Variants in RCAN2 observed in about 807,000 individuals in gnomAD.
RCAN2 encodes the protein regulator of calcineurin 2.
A neutral mutation model predicts 23.6 loss-of-function variants in RCAN2; 9 were observed. The ratio of observed to expected loss-of-function variants is 0.38; its 90% confidence interval spans 0.23 to 0.67. RCAN2 has a LOEUF of 0.67. RCAN2 is among the 30% of genes least tolerant of loss of function. The probability of loss-of-function intolerance (pLI) is 0.51; values close to 1 mark genes in which losing one functional copy is unlikely to be tolerated. For missense variants in RCAN2, 273 were observed against 302.3 expected, an observed-to-expected ratio of 0.90 and a Z score of 0.72; for synonymous variants, 109 against 115.7, an observed-to-expected ratio of 0.94 and a Z score of 0.37.
At chr6:46,373,002 C>A (rs1765360995) in intron 2 of RCAN2, among the ~76,000 whole-genome samples, 1 of 152,158 alleles carries the variant, frequency 6.6e-6, no homozygotes, top group Non-Finnish European at 1.5e-5. Flanking sequence ...GGAGCTGGGA[C>A]CAGCATCTTA....
chr6:46,316,123 G>A (rs1161481052), intron 2 of RCAN2, among the ~76,000 whole-genome samples: 1 of 152,102 alleles, frequency 6.6e-6, no homozygotes, highest in Admixed American at 6.6e-5. Flanking sequence ...AAAACTGCAG[G>A]GGAAGAGTTT....
chr6:46,397,345 T>A (rs1163064315), intron 2 of RCAN2, among the ~76,000 whole-genome samples: 2 of 149,452 alleles, frequency 1.3e-5, no homozygotes, highest in Admixed American at 6.7e-5. Flanking sequence ...ATTACACAAA[T>A]CTCCATATAG....
intron 2 of RCAN2, among the ~76,000 whole-genome samples, chr6:46,341,426 T>C (rs1437828232): frequency 2.0e-5 from 3 of 152,188 alleles, no homozygotes; most frequent in Admixed American, 6.5e-5. Context: ...AAAAAAATCA[T>C]GTTTTAAGAA....
intron 2 of RCAN2, among the ~76,000 whole-genome samples, chr6:46,263,475 ATGTGTGTGTGTG>A (rs57316214): frequency 7.5e-4 from 104 of 138,960 alleles, no homozygotes; most frequent in African/African-American, 2.8e-3. Flanking sequence ...GTGTGTGTGT[ATGTGTGTGTGTG>A]TGTGTGTATG....
intron 2 of RCAN2, among the ~76,000 whole-genome samples, chr6:46,278,629 A>G (rs1490324275): frequency 6.6e-6 from 1 of 152,170 alleles, no homozygotes; most frequent in Non-Finnish European, 1.5e-5. Context: ...ACACAAGAAA[A>G]TCACACATAA....
chr6:46,456,894 A>G lies in RCAN2; in HGVS notation c.83T>C (p.Leu28Pro), dbSNP rs1311400487. The change falls in exon 2 of 5, where the codon CTG (leucine) becomes CCG (proline). Residue 28 changes from leucine (L) to proline (P), a missense_variant. Physicochemically the swap from Leu to Pro is moderately conservative, Grantham distance 98 (BLOSUM62 -3). Coordinates refer to ENST00000371374, the MANE Select transcript of RCAN2 (RefSeq NM_001251974.2). ...HVPEDGGLFL[L>P]CCIDRDWAVT... ...AGCCCAGTCCCTGTCTATGCAGCAC[A>G]GTAAGAAAAGTCCTCCATCTTCAGG... 6.4e-6 allele frequency: 10 copies of G among 1,550,700 alleles called. No individual in the cohort carries two copies. Among genetic ancestry groups the G allele is most frequent in the Admixed American group, 2.0e-5 (1 of 51,012 alleles).
At chr6:46,416,811 C>T (rs1025313742) in intron 2 of RCAN2, among the ~76,000 whole-genome samples, 14 of 152,062 alleles carry the variant, frequency 9.2e-5, no homozygotes, top group African/African-American at 2.7e-4. Context: ...CATGAGCCAC[C>T]GTGTCCTGCT....
intron 2 of RCAN2, among the ~76,000 whole-genome samples, chr6:46,333,805 TC>T (rs1764059673): frequency 6.6e-6 from 1 of 152,216 alleles, no homozygotes; most frequent in Non-Finnish European, 1.5e-5. Flanking sequence ...ATCAATGCCT[TC>T]CAATCTTTTC....
chr6:46,439,890 G>T lies in RCAN2; in HGVS notation c.225+16862C>A, dbSNP rs113558823. ...TCCCTGAAAATTTCTAAAGAGGCTA[G>T]TTGAAGAGTGAAACGACTTTCCTTT... On this transcript the variant is annotated intron_variant, in intron 2 of 4. Transcript: ENST00000371374. Among the ~76,000 whole-genome samples, 258 of 152,340 alleles carry T rather than the reference G, an allele frequency of 1.7e-3. 4 individuals carry two copies. Among genetic ancestry groups the T allele is most frequent in the Middle Eastern group, 6.8e-3 (2 of 294 alleles).
At chr6:46,398,517 C>T (rs567357393) in intron 2 of RCAN2, among the ~76,000 whole-genome samples, 1 of 152,208 alleles carries the variant, frequency 6.6e-6, no homozygotes, top group Admixed American at 6.5e-5. Flanking sequence ...ATCATCTTCA[C>T]GATCTCAGCA....
intron 4 of RCAN2, among the ~76,000 whole-genome samples, chr6:46,245,666 T>A (rs1416113030): frequency 6.6e-6 from 1 of 152,206 alleles, no homozygotes; most frequent in East Asian, 1.9e-4. Flanking sequence ...TACTTGGCAT[T>A]TAGCTACCAG....
intron 2 of RCAN2, among the ~76,000 whole-genome samples, chr6:46,380,813 G>T (rs371014961): frequency 6.6e-6 from 1 of 152,048 alleles, no homozygotes; most frequent in Admixed American, 6.6e-5. Context: ...AAGAGATAAC[G>T]CATGTAAAAA....
chr6:46,283,825 C>T (rs1436304030), intron 2 of RCAN2, among the ~76,000 whole-genome samples: 3 of 152,178 alleles, frequency 2.0e-5, no homozygotes, highest in Non-Finnish European at 4.4e-5. Flanking sequence ...AAACTCATCA[C>T]ACTGATTTAA....
intron 2 of RCAN2, among the ~76,000 whole-genome samples, chr6:46,426,288 G>A (rs139802182): frequency 9.9e-5 from 15 of 152,062 alleles, no homozygotes; most frequent in South Asian, 4.2e-4. Context: ...GAATATTTTC[G>A]CAGAATGTTT....
chr6:46,458,896 C>CGCGCGTGTGT (rs57335093), intron 1 of RCAN2, among the ~76,000 whole-genome samples: 7 of 150,034 alleles, frequency 4.7e-5, no homozygotes, highest in Admixed American at 2.0e-4. Context: ...CGCGCGCGCA[C>CGCGCGTGTGT]GTGTGTGTGT....
intron 2 of RCAN2, among the ~76,000 whole-genome samples, chr6:46,269,203 T>C (rs1246936069): frequency 6.6e-6 from 1 of 152,214 alleles, no homozygotes; most frequent in African/African-American, 2.4e-5. Flanking sequence ...CTATTATCTG[T>C]TTTTCTTTTC....
At chr6:46,415,965 T>G (rs1351606224) in intron 2 of RCAN2, among the ~76,000 whole-genome samples, 1 of 152,212 alleles carries the variant, frequency 6.6e-6, no homozygotes, top group Non-Finnish European at 1.5e-5. Flanking sequence ...TGTAGATTAC[T>G]TATAATACTT....
rs182079684 is a variant in RCAN2 at position 46,368,967 on chromosome 6, T to A, written c.225+87785A>T. Among the ~76,000 whole-genome samples, 20 of 152,346 alleles carry A rather than the reference T, an allele frequency of 1.3e-4. No individual in the cohort carries two copies. In the East Asian group the frequency reaches 3.5e-3, roughly 26 times the overall value. ...AAAATTTTCAAATAGTTTTTAACTT[T>A]TCTGTAATAACTCTTAGCTTAGAAC... On this transcript the variant is annotated intron_variant, in intron 2 of 4. Coordinates refer to ENST00000371374, the MANE Select transcript of RCAN2 (RefSeq NM_001251974.2).
intron 1 of RCAN2, among the ~76,000 whole-genome samples, chr6:46,482,083 G>GA (rs1390776474): frequency 1.3e-5 from 2 of 151,902 alleles, no homozygotes; most frequent in African/African-American, 2.4e-5. Context: ...AACACTTGGG[G>GA]AAAAAACTGT....
Sources: gnomAD v4.1 joint callset for allele counts (sites outside exome capture counted in the v4.1 genomes callset) on GRCh38, gnomAD v4.1.1 for gene constraint, MANE v1.5 for transcripts, NCBI Gene and HGNC (gene_info 2026-07-23, HGNC 2026-07-21) for gene names.